SWAP70: variants seen among roughly 807,000 people sequenced by gnomAD.
SWAP70 encodes switch-associated protein 70.
SWAP70 carries 34 observed loss-of-function variants against 80.2 expected under a neutral mutation model. That is an observed-to-expected ratio of 0.42 (90% confidence interval 0.32 to 0.56). The LOEUF is 0.56. Among genes scored for constraint, SWAP70 ranks in the 20% least tolerant of loss-of-function variants. The pLI, the probability that SWAP70 is intolerant of heterozygous loss-of-function variation, is 0.09. For synonymous variants in SWAP70, 239 were observed against 238.5 expected, an observed-to-expected ratio of 1.00 and a Z score of -0.02; for missense variants, 578 against 690.7, an observed-to-expected ratio of 0.84 and a Z score of 1.83.
At chr11:9,665,800 G>T (rs533444318) in intron 1 of SWAP70, among the ~76,000 whole-genome samples, 1 of 152,070 alleles carries the variant, frequency 6.6e-6, no homozygotes, top group African/African-American at 2.4e-5. Context: ...TTTCCAGTTC[G>T]GGGGAGTTAT....
chr11:9,679,355 C>A (rs1024701860), intron 1 of SWAP70, among the ~76,000 whole-genome samples: 4 of 152,230 alleles, frequency 2.6e-5, no homozygotes, highest in Non-Finnish European at 5.9e-5. Flanking sequence ...TTCCACTCTA[C>A]AGACAGCTCT....
intron 1 of SWAP70, among the ~76,000 whole-genome samples, chr11:9,678,715 C>T (rs988056254): frequency 2.0e-5 from 3 of 151,928 alleles, no homozygotes; most frequent in African/African-American, 7.3e-5. Context: ...AGGCTTTAGG[C>T]GACCTTCTCC....
intron 1 of SWAP70, among the ~76,000 whole-genome samples, chr11:9,689,440 A>G (rs940416058): frequency 1.3e-5 from 2 of 152,328 alleles, no homozygotes; most frequent in East Asian, 1.9e-4. Context: ...TCTGGCATGG[A>G]TATGGATCTG....
At chr11:9,666,300 G>C (rs1484867194) in intron 1 of SWAP70, among the ~76,000 whole-genome samples, 1 of 151,904 alleles carries the variant, frequency 6.6e-6, no homozygotes, top group Non-Finnish European at 1.5e-5. Context: ...TGGCCAGGCT[G>C]GTCTTGAACT....
At position 9,749,864 on chromosome 11, in the gene SWAP70, G is replaced by A. The variant is rs746399941; in HGVS notation, c.1652G>A (p.Gly551Asp). Residue 551 changes from glycine (G) to aspartate (D), a missense_variant and splice_region_variant, in exon 12 of 12, where the codon GGT becomes GAT. Physicochemically the swap from Gly to Asp is moderately conservative, Grantham distance 94 (BLOSUM62 -1). Coordinates refer to ENST00000318950, the MANE Select transcript of SWAP70 (RefSeq NM_015055.4). ...HEGLIRLIEP[G>D]SKNPHLITNW... is the part of the protein sequence containing the mutation. Reference sequence around the variant, plus strand: ...TATTTAAAGCATGTTTGCCTCTTAGGTTCAAAGAACCCTCACCTGATCACT... The same window carrying A: ...TATTTAAAGCATGTTTGCCTCTTAGATTCAAAGAACCCTCACCTGATCACT... 1 of 1,607,330 alleles carries A rather than the reference G, an allele frequency of 6.2e-7. No homozygotes were observed. The highest frequency in any genetic ancestry group is 1.7e-5 in the Admixed American group (1 of 59,980).
At chr11:9,710,996 T>TTTGA (rs1554986192) in intron 2 of SWAP70, among the ~76,000 whole-genome samples, 4 of 149,012 alleles carry the variant, frequency 2.7e-5, no homozygotes, top group Admixed American at 6.6e-5. Context: ...TGTTTTTTAT[T>TTTGA]TTTATTTATT....
chr11:9,743,805 A>T (rs1290707604), intron 9 of SWAP70, among the ~76,000 whole-genome samples: 1 of 152,158 alleles, frequency 6.6e-6, no homozygotes, highest in Non-Finnish European at 1.5e-5. Context: ...ACAGCCGATC[A>T]TTCGTGGAAT....
At chr11:9,701,717 G>A (rs77924399) in intron 2 of SWAP70, among the ~76,000 whole-genome samples, 1,542 of 65,558 alleles carry the variant, frequency 0.024, 43 homozygotes, top group African/African-American at 0.066. Flanking sequence ...TTTTTTTTTG[G>A]CAGAGACACT....
intron 7 of SWAP70, among the ~76,000 whole-genome samples, chr11:9,735,488 A>G (rs75212665): frequency 4.1e-4 from 62 of 152,264 alleles, no homozygotes; most frequent in African/African-American, 1.3e-3. Context: ...GTCATTGTAT[A>G]TGTGTTCATA....
At chr11:9,707,031 A>G (rs1484756668) in intron 2 of SWAP70, among the ~76,000 whole-genome samples, 7 of 152,066 alleles carry the variant, frequency 4.6e-5, no homozygotes, top group Admixed American at 4.6e-4. Flanking sequence ...AGTGTATGGT[A>G]TATGAAATTC....
At chr11:9,700,710 C>T (rs1044573761) in intron 2 of SWAP70, among the ~76,000 whole-genome samples, 14 of 152,168 alleles carry the variant, frequency 9.2e-5, no homozygotes, top group African/African-American at 3.4e-4. Context: ...TATTTGCTCC[C>T]TTTAGGAATT....
rs1851588550 is a variant in SWAP70, at chr11:9,751,451, G to A, written c.*1481G>A. On this transcript the variant is annotated 3_prime_UTR_variant, in exon 12 of 12. Coordinates refer to ENST00000318950, the MANE Select transcript of SWAP70 (RefSeq NM_015055.4). Reference sequence around the variant, plus strand: ...AATTGAGAAGCAACAGTAACTCCGTGGACAGCAATCAAGCTTAAAATTGTA... The same window carrying A: ...AATTGAGAAGCAACAGTAACTCCGTAGACAGCAATCAAGCTTAAAATTGTA... The A allele has an allele frequency of 6.6e-6, 1 of 152,142 alleles. No individual in the cohort carries two copies. The highest frequency in any genetic ancestry group is 1.5e-5 in the Non-Finnish European group (1 of 68,014). 9.4% of individuals were successfully genotyped at this position (152,142 alleles called of 1,614,324 possible). A position where few individuals can be genotyped will look rare whatever the true frequency, so the allele number is the denominator to read the frequency against.
chr11:9,725,089 T>TC (rs1851191251), intron 4 of SWAP70: 3 of 532,578 alleles, frequency 5.6e-6, no homozygotes. Flanking sequence ...AACCTCCATC[T>TC]CCTGGGTTCA....
intron 2 of SWAP70, among the ~76,000 whole-genome samples, chr11:9,697,190 C>A (rs779841356): frequency 6.7e-6 from 1 of 150,262 alleles, no homozygotes; most frequent in Non-Finnish European, 1.5e-5. Flanking sequence ...AGTTTAATGT[C>A]TTTTTACAAT....
chr11:9,726,581 A>G (rs957732886), intron 4 of SWAP70, among the ~76,000 whole-genome samples: 2 of 152,180 alleles, frequency 1.3e-5, no homozygotes, highest in Middle Eastern at 3.2e-3. Flanking sequence ...ATGTCCAAAG[A>G]TTAGGAAACT....
intron 7 of SWAP70, 119 bp downstream of exon 7, chr11:9,732,829 G>A (rs1323900470): frequency 1.1e-6 from 1 of 939,498 alleles, no homozygotes; most frequent in East Asian, 2.7e-5. Flanking sequence ...GGAGATACTT[G>A]TGGTGAACTG....
At chr11:9,724,997 G>T (rs556924284) in intron 4 of SWAP70, 112 bp downstream of exon 4, 5 of 815,342 alleles carry the variant, frequency 6.1e-6, no homozygotes, top group Admixed American at 3.0e-5. Flanking sequence ...CACTGATTTC[G>T]TTTTTTTATT....
chr11:9,667,921 C>A (rs1191479412), intron 1 of SWAP70, among the ~76,000 whole-genome samples: 1 of 152,026 alleles, frequency 6.6e-6, no homozygotes, highest in African/African-American at 2.4e-5. Context: ...CGGAGTGTCG[C>A]TTTATCACCC....
intron 1 of SWAP70, among the ~76,000 whole-genome samples, chr11:9,666,160 A>C (rs1210442368): frequency 6.8e-6 from 1 of 147,546 alleles, no homozygotes; most frequent in Non-Finnish European, 1.5e-5. Flanking sequence ...ATCTCGGCTC[A>C]CTGCAACGTC....
Sources: gnomAD v4.1 joint callset for allele counts (sites outside exome capture counted in the v4.1 genomes callset) on GRCh38, gnomAD v4.1.1 for gene constraint, MANE v1.5 for transcripts, NCBI Gene and HGNC (gene_info 2026-07-23, HGNC 2026-07-21) for gene names.